The following CDKN3 variants were observed in gnomAD, a reference collection of about 807,000 sequenced individuals.
CDKN3 encodes cyclin-dependent kinase inhibitor 3.
In CDKN3, 19 loss-of-function variants were observed where a neutral mutation model predicts 36.1. That is an observed-to-expected ratio of 0.53 (90% CI 0.37 to 0.77). CDKN3 has a LOEUF of 0.77. Ranked by LOEUF, CDKN3 falls within the 30% of genes least tolerant of loss-of-function variation. The pLI, the probability that CDKN3 is intolerant of heterozygous loss-of-function variation, is 0.00. For synonymous variants in CDKN3, 71 were observed against 85.3 expected (o/e 0.83, Z 0.92); for missense variants, 188 against 248.6 (o/e 0.76, Z 1.64).
intron 6 of CDKN3, among the ~76,000 whole-genome samples, chr14:54,416,675 C>T (rs1344494869): frequency 6.6e-6 from 1 of 152,082 alleles, no homozygotes; most frequent in African/African-American, 2.4e-5. Flanking sequence ...ATTAGCCAGG[C>T]ATAGTGGTGC....
intron 1 of CDKN3, among the ~76,000 whole-genome samples, chr14:54,398,252 T>C (rs1886377141): frequency 6.6e-6 from 1 of 152,256 alleles, no homozygotes; most frequent in African/African-American, 2.4e-5. Context: ...GTGCTTACAA[T>C]TGCTAATCCC....
Position 54,401,571 on chromosome 14 carries a change from C to T in CDKN3, c.140C>T (p.Ala47Val). The T allele has an allele frequency of 6.2e-7, 1 of 1,606,628 alleles. No homozygotes were observed. Among genetic ancestry groups the T allele is most frequent in the Non-Finnish European group, 8.5e-7 (1 of 1,174,810 alleles). The change falls in exon 3 of 8, where the codon GCT (alanine) becomes GTT (valine). Residue 47 changes from alanine to valine, a missense_variant. By Grantham distance (64) the Ala-to-Val change is moderately conservative. Transcript: ENST00000335183. ...VNCSQFLGLC[A>V]LPGCKFKDVR... The stretch of plus-strand genomic sequence containing the variant: ...TGTTCTCAGTTTCTCGGTTTATGTG[C>T]TCTTCCAGGTGGGTAACACAATAAT...
intron 3 of CDKN3, among the ~76,000 whole-genome samples, chr14:54,406,387 T>C (rs190232306): frequency 4.9e-4 from 74 of 152,262 alleles, no homozygotes; most frequent in African/African-American, 1.7e-3. Context: ...TGTTGGCCTG[T>C]CTTTCTAGGT....
chr14:54,412,216 G>A (rs975228506), intron 5 of CDKN3, among the ~76,000 whole-genome samples: 4 of 151,784 alleles, frequency 2.6e-5, no homozygotes, highest in African/African-American at 4.8e-5. Context: ...CCCCATCTCC[G>A]CAAAAAGTAT....
chr14:54,399,782 A>G, intron 1 of CDKN3, 112 bp from the exon 2 acceptor site: 1 of 692,382 alleles, frequency 1.4e-6, no homozygotes, highest in Non-Finnish European at 2.6e-6. Context: ...TTCTGGATTG[A>G]TGGCTGAATA....
Position 54,418,621 on chromosome 14 carries a change from T to A in CDKN3, c.552+670T>A, listed in dbSNP as rs528550179. 3.3e-5 allele frequency among the ~76,000 whole-genome samples: 5 copies of A among 152,346 alleles called. No homozygotes were observed. In the East Asian group the frequency reaches 9.6e-4, roughly 29 times the overall value. On this transcript the variant is annotated intron_variant, in intron 7 of 7. Transcript: ENST00000335183. ...GAAGCGTGCCCTCTCAGCATTAGAA[T>A]CCGCTCATCAGAGGAGTGGGCACCA... is the stretch of plus-strand genomic sequence containing the variant.
chr14:54,406,924 T>C (rs2030179044), intron 3 of CDKN3, among the ~76,000 whole-genome samples: 1 of 152,190 alleles, frequency 6.6e-6, no homozygotes, highest in African/African-American at 2.4e-5. Context: ...AGAGGTATTC[T>C]GGTTTTTGGA....
At chr14:54,411,735 A>G in intron 5 of CDKN3, 29 bp downstream of exon 5, 1 of 1,320,006 alleles carries the variant, frequency 7.6e-7, no homozygotes, top group Non-Finnish European at 1.1e-6. Flanking sequence ...ACACTATGTG[A>G]GAAATGTCTC....
At chr14:54,406,445 G>T (rs1408528392) in intron 3 of CDKN3, among the ~76,000 whole-genome samples, 1 of 152,104 alleles carries the variant, frequency 6.6e-6, no homozygotes, top group East Asian at 1.9e-4. Flanking sequence ...TTCCAACTTG[G>T]TTCCATTCTC....
chr14:54,402,625 A>G (rs1240106357), intron 3 of CDKN3, among the ~76,000 whole-genome samples: 1 of 152,136 alleles, frequency 6.6e-6, no homozygotes, highest in African/African-American at 2.4e-5. Flanking sequence ...GTCTTTGCCC[A>G]TGCCTATGTC....
chr14:54,401,166 C>T (rs1254702596), intron 2 of CDKN3, among the ~76,000 whole-genome samples: 1 of 152,150 alleles, frequency 6.6e-6, no homozygotes, highest in Non-Finnish European at 1.5e-5. Context: ...TTTGTAGAGA[C>T]AGGATTTCAC....
At position 54,397,135 on chromosome 14, in the gene CDKN3, G is replaced by A. The variant is rs1032287092; in HGVS notation, c.9+58G>A. On this transcript the variant is annotated intron_variant, in intron 1 of 7. Transcript: ENST00000335183. Reference sequence around the variant, plus strand: ...AGGCGGCAGGGACGCAAGCGGTCCCGGGGACCCGATCCTGGGCCGGAGGGC... The same window carrying A: ...AGGCGGCAGGGACGCAAGCGGTCCCAGGGACCCGATCCTGGGCCGGAGGGC... The A allele has an allele frequency of 1.2e-5, 17 of 1,427,718 alleles. No homozygotes were observed. In the African/African-American group the frequency reaches 2.2e-4, roughly 19 times the overall value. 88.4% of individuals were successfully genotyped at this position (1,427,718 alleles called of 1,614,324 possible).
At chr14:54,403,269 C>T (rs1056362119) in intron 3 of CDKN3, among the ~76,000 whole-genome samples, 4 of 152,148 alleles carry the variant, frequency 2.6e-5, no homozygotes, top group Non-Finnish European at 5.9e-5. Context: ...CCTTCACATA[C>T]CTTGTAAGTT....
At chr14:54,399,785 G>C (rs1886421957) in intron 1 of CDKN3, 109 bp from the exon 2 acceptor site, 1 of 704,342 alleles carries the variant, frequency 1.4e-6, no homozygotes, top group East Asian at 2.6e-5. Context: ...TGGATTGATG[G>C]CTGAATACAT....
At chr14:54,398,977 T>G (rs1886396263) in intron 1 of CDKN3, among the ~76,000 whole-genome samples, 1 of 135,750 alleles carries the variant, frequency 7.4e-6, no homozygotes, top group African/African-American at 2.7e-5. Flanking sequence ...TCCTTTCTTT[T>G]TTCTTCTTCC....
At chr14:54,407,763 T>C (rs1170333155) in intron 3 of CDKN3, among the ~76,000 whole-genome samples, 2 of 152,334 alleles carry the variant, frequency 1.3e-5, no homozygotes, top group South Asian at 2.1e-4. Context: ...TTCAAGCCAG[T>C]GGATCTTAGC....
chr14:54,419,920 C>T, intron 7 of CDKN3, 72 bp from the exon 8 acceptor site: 2 of 791,276 alleles, frequency 2.5e-6, no homozygotes. Flanking sequence ...ATTCCTGATA[C>T]CTGCTAATAT....
chr14:54,404,497 A>T (rs970470158), intron 3 of CDKN3, among the ~76,000 whole-genome samples: 4 of 152,102 alleles, frequency 2.6e-5, no homozygotes, highest in Non-Finnish European at 4.4e-5. Context: ...ATTTCAAAAA[A>T]ACCAGCTCCT....
At chr14:54,409,497 T>C (rs1256617039) in intron 4 of CDKN3, among the ~76,000 whole-genome samples, 2 of 152,156 alleles carry the variant, frequency 1.3e-5, no homozygotes, top group East Asian at 3.9e-4. Flanking sequence ...TAAAAACTTT[T>C]CGTGGTTATT....
Sources: gnomAD v4.1 joint callset for allele counts (sites outside exome capture counted in the v4.1 genomes callset) on GRCh38, gnomAD v4.1.1 for gene constraint, MANE v1.5 for transcripts, NCBI Gene and HGNC (gene_info 2026-07-23, HGNC 2026-07-21) for gene names.